Variants in FHOD3 observed in about 807,000 individuals in gnomAD.
FHOD3 encodes the protein FH1/FH2 domain-containing protein 3.
In FHOD3, 90 loss-of-function variants were observed where a neutral mutation model predicts 173.0. The observed-to-expected ratio is 0.52, with a 90% CI of 0.44 to 0.62. The LOEUF (loss-of-function observed/expected upper bound fraction) is 0.62, where lower values mean the gene tolerates loss of function less well. Among genes scored for constraint, FHOD3 ranks in the 20% least tolerant of loss-of-function variants. The pLI is 0.00. For synonymous variants in FHOD3, 828 were observed against 823.0 expected (o/e 1.01, Z -0.10); for missense variants, 1,945 against 2,034.7 (o/e 0.96, Z 0.85).
intron 3 of FHOD3, among the ~76,000 whole-genome samples, chr18:36,459,346 T>C (rs991913665): frequency 2.6e-5 from 4 of 152,248 alleles, no homozygotes; most frequent in Non-Finnish European, 4.4e-5. Flanking sequence ...TGATGTGGCA[T>C]GAGCAGTGAC....
At chr18:36,629,064 T>C (rs1401948855) in intron 10 of FHOD3, among the ~76,000 whole-genome samples, 2 of 152,254 alleles carry the variant, frequency 1.3e-5, no homozygotes, top group Admixed American at 1.3e-4. Flanking sequence ...TTCAGTCATG[T>C]GTATATTTTA....
intron 1 of FHOD3, among the ~76,000 whole-genome samples, chr18:36,300,721 A>G: frequency 6.6e-6 from 1 of 150,940 alleles, no homozygotes; most frequent in East Asian, 2.0e-4. Flanking sequence ...CAAGCCCCTG[A>G]GGGAGTCAAC....
chr18:36,607,765 T>C (rs1178710195), intron 8 of FHOD3, among the ~76,000 whole-genome samples: 1 of 152,258 alleles, frequency 6.6e-6, no homozygotes, highest in African/African-American at 2.4e-5. Flanking sequence ...GTATCCTAGT[T>C]CATTGCTCTT....
chr18:36,581,725 G>T (rs534503733), intron 6 of FHOD3, among the ~76,000 whole-genome samples: 1 of 152,230 alleles, frequency 6.6e-6, no homozygotes, highest in Admixed American at 6.5e-5. Flanking sequence ...CTCTTTCTCT[G>T]TCATATACAT....
chr18:36,329,335 G>T lies in FHOD3; in HGVS notation c.166-26204G>T, dbSNP rs566468757. ...TGTACCCCCACCCCCAAATTCTGCC[G>T]CTGAGCAAAGCAAAGTGAAGTACTG... On this transcript the variant is annotated intron_variant, in intron 1 of 28. Transcript: ENST00000590592. 1.4e-4 allele frequency among the ~76,000 whole-genome samples: 21 copies of T among 152,174 alleles called. 1 individual carries two copies. The highest frequency in any genetic ancestry group is 3.4e-3 in the Middle Eastern group (1 of 294).
intron 3 of FHOD3, among the ~76,000 whole-genome samples, chr18:36,462,041 TGTG>T (rs1274213375): frequency 6.6e-6 from 1 of 152,204 alleles, no homozygotes; most frequent in Non-Finnish European, 1.5e-5. Flanking sequence ...TGAAAGTAGT[TGTG>T]GTAAATTTGG....
chr18:36,402,351 C>A (rs1011717095), intron 3 of FHOD3, among the ~76,000 whole-genome samples: 1 of 152,072 alleles, frequency 6.6e-6, no homozygotes, highest in African/African-American at 2.4e-5. Context: ...TGATCTATAT[C>A]CCTTATATAC....
chr18:36,485,389 A>G (rs2054141351), intron 3 of FHOD3, among the ~76,000 whole-genome samples: 1 of 152,158 alleles, frequency 6.6e-6, no homozygotes, highest in Non-Finnish European at 1.5e-5. Flanking sequence ...CCACTCAGAA[A>G]GGGAGGGAGG....
Position 36,655,150 on chromosome 18 carries a change from C to T in FHOD3, c.1721+1734C>T, listed in dbSNP as rs114767155. ...AGTTCTCTGCAGGTCTCTTCCAGGT[C>T]TACAGTTCCAGGATTGTTGTTATCT... On this transcript the variant is annotated intron_variant, in intron 13 of 28. Transcript: ENST00000590592. 4.7e-3 allele frequency among the ~76,000 whole-genome samples: 705 copies of T among 149,890 alleles called. 8 individuals carry two copies. Among genetic ancestry groups the T allele is most frequent in the African/African-American group, 0.016 (663 of 40,772 alleles).
chr18:36,367,621 A>G (rs1449689400), intron 2 of FHOD3, among the ~76,000 whole-genome samples: 4 of 152,190 alleles, frequency 2.6e-5, no homozygotes, highest in Non-Finnish European at 5.9e-5. Context: ...ATACATACTG[A>G]CAGCCTCTCT....
In FHOD3 at chr18:36,345,440, ATATTTATT is replaced by A. The variant is rs146820474; in HGVS notation, c.166-10090_166-10083del. ...TTAGAGGAAAATTATAGTCTTTTTC[ATATTTATT>A]TATTTATTGAGACAGTGTCTCTCTC... On this transcript the variant is annotated intron_variant, in intron 1 of 28. Coordinates refer to ENST00000590592, the MANE Select transcript of FHOD3 (RefSeq NM_001281740.3). Among the ~76,000 whole-genome samples the A allele has an allele frequency of 7.0e-3, 1,067 of 152,216 alleles. 8 individuals carry two copies. The highest frequency in any genetic ancestry group is 0.024 in the African/African-American group (1,016 of 41,538).
chr18:36,351,776 C>T (rs546127603), intron 1 of FHOD3, among the ~76,000 whole-genome samples: 1 of 152,166 alleles, frequency 6.6e-6, no homozygotes, highest in South Asian at 2.1e-4. Flanking sequence ...GGTGAGTGTC[C>T]AGAAAAGTGA....
intron 6 of FHOD3, among the ~76,000 whole-genome samples, chr18:36,592,942 G>C (rs1331677974): frequency 6.6e-6 from 1 of 152,182 alleles, no homozygotes; most frequent in Non-Finnish European, 1.5e-5. Flanking sequence ...TCTGATCTTA[G>C]ATGGACTTTC....
rs2043278795 is a variant in FHOD3 at position 36,769,424 on chromosome 18, C to G, written c.4784C>G (p.Ser1595Cys). The change falls in exon 28 of 29, where the codon TCT becomes TGT. Residue 1595 changes from serine (S) to cysteine (C), a missense_variant and splice_region_variant. Physicochemically the swap from Ser to Cys is moderately radical, Grantham distance 112 (BLOSUM62 -1). Around this residue, in one of 5 missense-constraint regions of FHOD3, gnomAD observed 354 missense variants for 359.9 expected, o/e 0.98. Coordinates refer to ENST00000590592, the MANE Select transcript of FHOD3 (RefSeq NM_001281740.3). ...ERKRSRANRK[S>C]LRRTLKSGLT... ...AAACGATCCCGGGCCAACCGGAAAT[C>G]TTGTGAGTGCATTAAAGGAGGGGCG... 7 of 1,613,880 alleles carry G rather than the reference C, an allele frequency of 4.3e-6. No individual in the cohort carries two copies. The highest frequency in any genetic ancestry group is 5.9e-6 in the Non-Finnish European group (7 of 1,179,982).
chr18:36,297,737 G>T lies in FHOD3; in HGVS notation c.-99G>T, dbSNP rs1288168548. On this transcript the variant is annotated 5_prime_UTR_variant, in exon 1 of 29. Transcript: ENST00000590592. ...TGAGCCTGCGAGTCCGCGAGCCAGC[G>T]AGCTGCGGCTGCGGCCTCCCCTGCG... 6 of 967,598 alleles carry T rather than the reference G, an allele frequency of 6.2e-6. No homozygotes were observed. Among genetic ancestry groups the T allele is most frequent in the Non-Finnish European group, 7.9e-6 (6 of 755,780 alleles). The allele number at this position is 967,598 out of a possible 1,614,324, so 59.9% of individuals were successfully genotyped here. A position where few individuals can be genotyped will look rare whatever the true frequency, so the allele number is the denominator to read the frequency against.
chr18:36,746,097 T>A (rs918157836), intron 23 of FHOD3, among the ~76,000 whole-genome samples: 36 of 152,146 alleles, frequency 2.4e-4, no homozygotes, highest in African/African-American at 7.2e-4. Flanking sequence ...TAATTTTTAG[T>A]CTGGAAATTC....
At chr18:36,548,279 G>T (rs1337842284) in intron 5 of FHOD3, among the ~76,000 whole-genome samples, 2 of 152,138 alleles carry the variant, frequency 1.3e-5, no homozygotes, top group African/African-American at 4.8e-5. Flanking sequence ...GTTTAGCTCT[G>T]GGAGTGCAAA....
intron 3 of FHOD3, among the ~76,000 whole-genome samples, chr18:36,456,341 G>A (rs1049822200): frequency 1.4e-4 from 22 of 152,036 alleles, no homozygotes; most frequent in African/African-American, 4.8e-4. Flanking sequence ...GCTGGGGTCC[G>A]GGCTGTAGAC....
intron 3 of FHOD3, among the ~76,000 whole-genome samples, chr18:36,384,369 G>C (rs2047926297): frequency 6.6e-6 from 1 of 151,672 alleles, no homozygotes; most frequent in Non-Finnish European, 1.5e-5. Flanking sequence ...GACAGAGTGA[G>C]ACTCTGTCTC....
Sources: gnomAD v4.1 joint callset for allele counts (sites outside exome capture counted in the v4.1 genomes callset) on GRCh38, gnomAD v4.1.1 for gene constraint, gnomAD v4.1.1 regional missense constraint, MANE v1.5 for transcripts, NCBI Gene and HGNC (gene_info 2026-07-23, HGNC 2026-07-21) for gene names.